Variants in NEDD9 observed in about 807,000 individuals in gnomAD.
The protein encoded by NEDD9 is neural precursor cell expressed, developmentally down-regulated 9.
A neutral mutation model predicts 76.6 loss-of-function variants in NEDD9; 26 were observed. The observed-to-expected ratio is 0.34, with a 90% CI of 0.25 to 0.47. The LOEUF is 0.47. NEDD9 is among the 20% of genes least tolerant of loss of function. The pLI is 1.00. For missense variants in NEDD9, 937 were observed against 1,058.5 expected, an observed-to-expected ratio of 0.89 and a Z score of 1.59; for synonymous variants, 392 against 414.2, an observed-to-expected ratio of 0.95 and a Z score of 0.65.
chr6:11,261,512 A>C (rs1044239352), intron 3 of NEDD9, among the ~76,000 whole-genome samples: 1 of 152,242 alleles, frequency 6.6e-6, no homozygotes, highest in Non-Finnish European at 1.5e-5. Flanking sequence ...TTCATTCAAC[A>C]TAAATTGAGC....
chr6:11,356,823 C>T (rs184692483), intron 1 of NEDD9, among the ~76,000 whole-genome samples: 3 of 149,204 alleles, frequency 2.0e-5, no homozygotes, highest in African/African-American at 4.9e-5. Flanking sequence ...AATGACGTGA[C>T]CTTTCAACCA....
chr6:11,333,506 A>G (rs1002354530), intron 2 of NEDD9, among the ~76,000 whole-genome samples: 6 of 152,148 alleles, frequency 3.9e-5, no homozygotes, highest in African/African-American at 7.2e-5. Flanking sequence ...TCCTCTCGCT[A>G]TGGAAAGACT....
intron 1 of NEDD9, among the ~76,000 whole-genome samples, chr6:11,378,740 C>A (rs1310001217): frequency 6.6e-6 from 1 of 152,116 alleles, no homozygotes; most frequent in Non-Finnish European, 1.5e-5. Flanking sequence ...GGTTTTGTAG[C>A]TGTTCAAAAA....
rs981291359 is a variant in NEDD9, at chr6:11,326,437, A to G, written c.-153+8064T>C. 2.6e-5 allele frequency among the ~76,000 whole-genome samples: 4 copies of G among 152,354 alleles called. No homozygotes were observed. The East Asian group carries it at 7.7e-4, about 29-fold the overall frequency. On this transcript the variant is annotated intron_variant, in intron 2 of 3. Transcript: ENST00000397378. The stretch of plus-strand genomic sequence containing the variant: ...ACTGGTATGTTTGGCCCCATGTGGC[A>G]GACAAGGAAAAGGGTTTACATTTTC...
chr6:11,340,428 T>A (rs929108581), intron 1 of NEDD9, among the ~76,000 whole-genome samples: 7 of 152,130 alleles, frequency 4.6e-5, no homozygotes, highest in African/African-American at 1.4e-4. Flanking sequence ...TTTAGAGAAT[T>A]TGACAGGAAT....
intron 3 of NEDD9, among the ~76,000 whole-genome samples, chr6:11,289,757 T>C (rs1334526005): frequency 1.3e-5 from 2 of 152,170 alleles, no homozygotes; most frequent in Non-Finnish European, 2.9e-5. Flanking sequence ...GGCCAGCAGA[T>C]ATTATTTGTA....
chr6:11,210,745 G>A (rs1758760659), intron 2 of NEDD9, among the ~76,000 whole-genome samples: 1 of 144,570 alleles, frequency 6.9e-6, no homozygotes, highest in South Asian at 2.4e-4. Flanking sequence ...GGGAGGGAGA[G>A]GGAAGGAGGG....
At chr6:11,362,206 C>A (rs1254398401) in intron 1 of NEDD9, among the ~76,000 whole-genome samples, 1 of 152,164 alleles carries the variant, frequency 6.6e-6, no homozygotes, top group Non-Finnish European at 1.5e-5. Flanking sequence ...TGTGAGAATA[C>A]AATGAGAAGG....
At chr6:11,216,251 A>G (rs976466707) in intron 1 of NEDD9, among the ~76,000 whole-genome samples, 1 of 152,214 alleles carries the variant, frequency 6.6e-6, no homozygotes, top group Non-Finnish European at 1.5e-5. Flanking sequence ...GCACCAGCCT[A>G]TTCACACACC....
At chr6:11,281,052 T>C (rs1293838843) in intron 3 of NEDD9, among the ~76,000 whole-genome samples, 2 of 152,234 alleles carry the variant, frequency 1.3e-5, no homozygotes, top group Non-Finnish European at 2.9e-5. Context: ...AAGGAAAACC[T>C]TGTCCTCTTG....
At chr6:11,355,620 G>T (rs1034484737) in intron 1 of NEDD9, among the ~76,000 whole-genome samples, 3 of 152,084 alleles carry the variant, frequency 2.0e-5, no homozygotes, top group Non-Finnish European at 4.4e-5. Flanking sequence ...TCTGAGCCTT[G>T]GTTTCTTCAT....
chr6:11,305,803 C>T (rs1001747341), intron 3 of NEDD9: 1 of 649,688 alleles, frequency 1.5e-6, no homozygotes, highest in South Asian at 1.8e-5. Flanking sequence ...GGCATCAGTG[C>T]ATCCATGTAA....
intron 1 of NEDD9, among the ~76,000 whole-genome samples, chr6:11,343,068 A>G (rs947662232): frequency 3.9e-5 from 6 of 152,156 alleles, no homozygotes; most frequent in Non-Finnish European, 1.5e-5. Context: ...CTGTACACTT[A>G]AAATGTGGGA....
At chr6:11,279,793 C>A (rs1011210843) in intron 3 of NEDD9, among the ~76,000 whole-genome samples, 1 of 152,138 alleles carries the variant, frequency 6.6e-6, no homozygotes, top group Non-Finnish European at 1.5e-5. Flanking sequence ...CCTCCCGCTC[C>A]CCGCACCCCT....
chr6:11,319,544 A>ACT (rs1561832566), intron 2 of NEDD9, among the ~76,000 whole-genome samples: 4 of 105,816 alleles, frequency 3.8e-5, no homozygotes, highest in South Asian at 2.9e-4. Flanking sequence ...ACATGCGGAC[A>ACT]CACACTAACA....
Position 11,354,394 on chromosome 6 carries a change from G to C in NEDD9, c.-213-19833C>G, listed in dbSNP as rs12661233. Among the ~76,000 whole-genome samples, 3 of 152,310 alleles carry C rather than the reference G, an allele frequency of 2.0e-5. No individual in the cohort carries two copies. The East Asian group carries it at 5.8e-4, about 29-fold the overall frequency. ...TTTCGGATGGAGTCCCATGGGTTCT[G>C]GGGCTGCTGCTAGCTTCAGCTAAAT... On this transcript the variant is annotated intron_variant, in intron 1 of 3. Coordinates refer to the NEDD9 transcript ENST00000397378.
At chr6:11,212,973 G>C (rs543060049) in intron 2 of NEDD9, among the ~76,000 whole-genome samples, 1 of 152,356 alleles carries the variant, frequency 6.6e-6, no homozygotes, top group African/African-American at 2.4e-5. Context: ...AGCACAGAGT[G>C]AAGGCTTAGA....
intron 3 of NEDD9, among the ~76,000 whole-genome samples, chr6:11,278,123 T>A (rs1037924868): frequency 1.3e-5 from 2 of 152,110 alleles, no homozygotes; most frequent in African/African-American, 4.8e-5. Context: ...TCATAACACA[T>A]CTTCTTCCCC....
At chr6:11,230,854 T>C (rs1759449209) in intron 1 of NEDD9, among the ~76,000 whole-genome samples, 1 of 152,236 alleles carries the variant, frequency 6.6e-6, no homozygotes, top group East Asian at 1.9e-4. Flanking sequence ...TTAGATTTTC[T>C]TTCCATAAAG....
Sources: allele counts gnomAD v4.1 joint callset (sites outside exome capture counted in the v4.1 genomes callset), GRCh38; gene constraint gnomAD v4.1.1; transcripts MANE v1.5; gene names NCBI Gene and HGNC (gene_info 2026-07-23, HGNC 2026-07-21).